PHKB: variants seen among roughly 807,000 people sequenced by gnomAD.
PHKB encodes phosphorylase kinase regulatory subunit beta.
In PHKB, 122 loss-of-function variants were observed where a neutral mutation model predicts 152.1. The observed-to-expected ratio is 0.80, with a 90% CI of 0.69 to 0.93. The LOEUF is 0.93. PHKB is among the 40% of genes least tolerant of loss of function. The probability of loss-of-function intolerance (pLI) is 0.00; values close to 1 mark genes in which losing one functional copy is unlikely to be tolerated. For synonymous variants in PHKB, 436 were observed against 464.9 expected, an observed-to-expected ratio of 0.94 and a Z score of 0.80; for missense variants, 1,304 against 1,328.4, an observed-to-expected ratio of 0.98 and a Z score of 0.29.
intron 7 of PHKB, among the ~76,000 whole-genome samples, chr16:47,563,478 A>G (rs1395934765): frequency 6.6e-6 from 1 of 151,968 alleles, no homozygotes; most frequent in Non-Finnish European, 1.5e-5. Context: ...AAGTAGTAAT[A>G]TTTTCAAGGG....
chr16:47,683,730 G>A (rs1047808908), intron 26 of PHKB, among the ~76,000 whole-genome samples: 1 of 152,100 alleles, frequency 6.6e-6, no homozygotes, highest in East Asian at 1.9e-4. Flanking sequence ...GCAATGCCTC[G>A]CCCTGCTTCG....
rs753730177 is a variant in PHKB at position 47,641,024 on chromosome 16, C to T, written c.1459-11C>T. On this transcript the variant is annotated splice_polypyrimidine_tract_variant and intron_variant, in intron 14 of 30. Transcript: ENST00000323584. ...TAAAATGTTTTCCCCCTCCCTTATT[C>T]TGCATTACAGGGCCCACTGGAAAAT... 2.2e-5 allele frequency: 36 copies of T among 1,612,338 alleles called. No homozygotes were observed. The highest frequency in any genetic ancestry group is 3.0e-5 in the Non-Finnish European group (35 of 1,178,462).
At chr16:47,664,799 G>C (rs1424002745) in intron 24 of PHKB, 86 bp from the exon 25 acceptor site, 1 of 814,530 alleles carries the variant, frequency 1.2e-6, no homozygotes, top group Non-Finnish European at 2.1e-6. Flanking sequence ...CAAACATTTA[G>C]AATGCTGACT....
intron 28 of PHKB, among the ~76,000 whole-genome samples, chr16:47,695,753 C>G (rs1396690129): frequency 6.6e-6 from 1 of 152,112 alleles, no homozygotes; most frequent in African/African-American, 2.4e-5. Context: ...ATTCCCCATG[C>G]CCAGATTTGG....
intron 7 of PHKB, among the ~76,000 whole-genome samples, chr16:47,573,153 G>A (rs1425015071): frequency 6.6e-6 from 1 of 152,204 alleles, no homozygotes; most frequent in Non-Finnish European, 1.5e-5. Flanking sequence ...CAGAGGAGCA[G>A]TAGGATTCAC....
intron 1 of PHKB, among the ~76,000 whole-genome samples, chr16:47,471,655 C>T (rs1420244648): frequency 2.0e-5 from 3 of 152,166 alleles, no homozygotes; most frequent in Admixed American, 1.3e-4. Flanking sequence ...TTAGAATCTA[C>T]ATATCTCTGA....
Position 47,665,018 on chromosome 16 carries a change from G to A in PHKB, c.2427+43G>A, listed in dbSNP as rs766417458. 6 of 1,308,800 alleles carry A rather than the reference G, an allele frequency of 4.6e-6. No individual in the cohort carries two copies. The South Asian group carries it at 5.9e-5, about 13-fold the overall frequency. 81.1% of individuals were successfully genotyped at this position (1,308,800 alleles called of 1,614,324 possible). A position where few individuals can be genotyped will look rare whatever the true frequency, so the allele number is the denominator to read the frequency against. On this transcript the variant is annotated intron_variant, in intron 25 of 30. Transcript: ENST00000323584. Reference sequence around the variant, plus strand: ...TGAAAACCCAAGCTGCTTGAAATGTGTGGGCTTATTTGCACTCTGAAGGTT... The same window carrying A: ...TGAAAACCCAAGCTGCTTGAAATGTATGGGCTTATTTGCACTCTGAAGGTT...
intron 6 of PHKB, among the ~76,000 whole-genome samples, chr16:47,520,633 A>C (rs1486905370): frequency 6.6e-6 from 1 of 152,254 alleles, no homozygotes; most frequent in East Asian, 1.9e-4. Flanking sequence ...TTACAGGTTT[A>C]TTCATGTATA....
chr16:47,534,749 A>G (rs1053197034), intron 6 of PHKB, among the ~76,000 whole-genome samples: 1 of 152,238 alleles, frequency 6.6e-6, no homozygotes, highest in African/African-American at 2.4e-5. Context: ...ACCAGCAAGA[A>G]GATACATTGA....
Position 47,594,157 on chromosome 16 carries a change from A to G in PHKB, c.1147A>G (p.Lys383Glu), listed in dbSNP as rs148556721. ...TTTAGGAGTTTTTAGAGGCAATCCT[A>G]AGCAAGTACAGGAATATCAGGATCT... ...MIDGVFRGNP[K>E]QVQEYQDLLT... Residue 383 changes from lysine (K) to glutamate (E), a missense_variant, in exon 12 of 31, where the codon AAG (lysine) becomes GAG (glutamate). Lys to Glu is a moderately conservative substitution (Grantham distance 56). Coordinates refer to ENST00000323584, the MANE Select transcript of PHKB (RefSeq NM_000293.3). 13 of 1,559,372 alleles carry G rather than the reference A, an allele frequency of 8.3e-6. No homozygotes were observed. The highest frequency in any genetic ancestry group is 9.7e-6 in the Non-Finnish European group (11 of 1,130,492).
chr16:47,473,363 C>T (rs1969814057), intron 1 of PHKB, among the ~76,000 whole-genome samples: 1 of 151,332 alleles, frequency 6.6e-6, no homozygotes, highest in Non-Finnish European at 1.5e-5. Context: ...GCGTGAGCCA[C>T]TGCACCTGGC....
chr16:47,668,403 A>G (rs1973576606), intron 25 of PHKB, among the ~76,000 whole-genome samples: 1 of 152,154 alleles, frequency 6.6e-6, no homozygotes, highest in African/African-American at 2.4e-5. Flanking sequence ...GGCCTTTGAT[A>G]TGCTATTCTT....
At chr16:47,680,729 T>G (rs1973836048) in intron 26 of PHKB, among the ~76,000 whole-genome samples, 1 of 152,194 alleles carries the variant, frequency 6.6e-6, no homozygotes, top group East Asian at 1.9e-4. Context: ...GCTCCTGGAT[T>G]CATTAATTTT....
chr16:47,666,093 C>G (rs890184705), intron 25 of PHKB: 4 of 1,220,944 alleles, frequency 3.3e-6, no homozygotes, highest in East Asian at 4.7e-5. Flanking sequence ...TGGCTAGGAC[C>G]CTTAATTTTA....
chr16:47,490,187 A>T (rs1970123767), intron 1 of PHKB, among the ~76,000 whole-genome samples: 1 of 152,062 alleles, frequency 6.6e-6, no homozygotes, highest in African/African-American at 2.4e-5. Context: ...TTTTTTCTTT[A>T]TTCCAATATT....
chr16:47,480,585 G>A (rs1261644580), intron 1 of PHKB, among the ~76,000 whole-genome samples: 2 of 152,130 alleles, frequency 1.3e-5, no homozygotes, highest in East Asian at 3.9e-4. Context: ...AAACTGACAA[G>A]TTCAAGGCTG....
intron 26 of PHKB, among the ~76,000 whole-genome samples, chr16:47,679,556 A>G (rs1019611355): frequency 6.6e-6 from 1 of 152,126 alleles, no homozygotes; most frequent in African/African-American, 2.4e-5. Flanking sequence ...TTCACTCATT[A>G]TTTGGCTCTC....
intron 1 of PHKB, chr16:47,463,688 A>G: frequency 7.7e-6 from 4 of 519,236 alleles, no homozygotes; most frequent in East Asian, 7.0e-5. Flanking sequence ...GATATTATAT[A>G]GTTTCTATCT....
At chr16:47,623,344 G>A (rs919721217) in intron 14 of PHKB, among the ~76,000 whole-genome samples, 9 of 151,802 alleles carry the variant, frequency 5.9e-5, no homozygotes, top group African/African-American at 1.5e-4. Context: ...TCAACATTTC[G>A]GATATATTTT....
Sources: allele counts gnomAD v4.1 joint callset (sites outside exome capture counted in the v4.1 genomes callset), GRCh38; gene constraint gnomAD v4.1.1; transcripts MANE v1.5; gene names NCBI Gene and HGNC (gene_info 2026-07-23, HGNC 2026-07-21).